Variants in SWT1 observed in about 807,000 individuals in gnomAD.
The protein encoded by SWT1 is transcriptional protein SWT1.
In SWT1, 33 loss-of-function variants were observed where a neutral mutation model predicts 107.3. The observed-to-expected ratio is 0.31, with a 90% CI of 0.23 to 0.41. The LOEUF is 0.41. Among genes scored for constraint, SWT1 ranks in the 10% least tolerant of loss-of-function variants. SWT1 has a pLI of 1.00. For synonymous variants in SWT1, 345 were observed against 348.3 expected, an observed-to-expected ratio of 0.99 and a Z score of 0.11; for missense variants, 898 against 1,028.9, an observed-to-expected ratio of 0.87 and a Z score of 1.74.
At position 185,251,542 on chromosome 1, in the gene SWT1, C is replaced by T. The variant is rs942281776; in HGVS notation, c.2442-19781C>T. On this transcript the variant is annotated intron_variant, in intron 16 of 18. Coordinates refer to ENST00000367500, the MANE Select transcript of SWT1 (RefSeq NM_017673.7). ...TTTTCAATTTCTTATTGTAATGCTG[C>T]CAATTTTTCTTTGCATATTTTGAGG... The T allele has an allele frequency of 2.0e-5, 3 of 152,006 alleles. No individual in the cohort carries two copies. In the South Asian group the frequency reaches 6.2e-4, roughly 31 times the overall value. The allele number at this position is 152,006 out of a possible 1,614,324, so 9.4% of individuals were successfully genotyped here. A position where few individuals can be genotyped will look rare whatever the true frequency, so the allele number is the denominator to read the frequency against.
chr1:185,236,381 A>C (rs1473507720), intron 16 of SWT1, among the ~76,000 whole-genome samples: 4 of 152,196 alleles, frequency 2.6e-5, no homozygotes, highest in African/African-American at 9.6e-5. Context: ...ACATAGACCA[A>C]TGGAACAGAA....
intron 5 of SWT1, chr1:185,176,757 G>A (rs1023922201): frequency 1.2e-6 from 1 of 835,660 alleles, no homozygotes; most frequent in Non-Finnish European, 1.4e-6. Context: ...GGCCGAGGTG[G>A]GCGGATCACG....
chr1:185,213,209 A>G (rs549519442), intron 13 of SWT1, among the ~76,000 whole-genome samples: 1 of 152,340 alleles, frequency 6.6e-6, no homozygotes, highest in South Asian at 2.1e-4. Flanking sequence ...ACATTGGAAA[A>G]GCACCCTTAA....
Position 185,229,943 on chromosome 1 carries a change from G to A in SWT1, c.2310-1634G>A, listed in dbSNP as rs562717730. ...TTGGCGGGGCAAGAGGAGAATCCTGGGGAGTAACCGCTCAATGGATTCAGT... is the reference window on the plus strand; with the variant it reads ...TTGGCGGGGCAAGAGGAGAATCCTGAGGAGTAACCGCTCAATGGATTCAGT... On this transcript the variant is annotated intron_variant, in intron 15 of 18. Coordinates refer to ENST00000367500, the MANE Select transcript of SWT1 (RefSeq NM_017673.7). Among the ~76,000 whole-genome samples the A allele has an allele frequency of 2.0e-5, 3 of 152,218 alleles. No homozygotes were observed. In the South Asian group the frequency reaches 6.2e-4, roughly 32 times the overall value.
At chr1:185,234,145 G>C (rs1660699325) in intron 16 of SWT1, among the ~76,000 whole-genome samples, 1 of 152,178 alleles carries the variant, frequency 6.6e-6, no homozygotes, top group Admixed American at 6.5e-5. Context: ...CTGGTCCAGA[G>C]CTGAGTTCAA....
chr1:185,239,171 G>A (rs1339520556), intron 16 of SWT1, among the ~76,000 whole-genome samples: 1 of 152,060 alleles, frequency 6.6e-6, no homozygotes, highest in Non-Finnish European at 1.5e-5. Context: ...TTGGGTTCTA[G>A]TTCTAGATTT....
intron 5 of SWT1, among the ~76,000 whole-genome samples, chr1:185,179,457 T>C (rs532167559): frequency 2.0e-5 from 3 of 152,282 alleles, no homozygotes; most frequent in Admixed American, 6.5e-5. Context: ...CAGTGGAAAA[T>C]TGGAATTTGG....
At chr1:185,223,142 G>A (rs1186706904) in intron 15 of SWT1, among the ~76,000 whole-genome samples, 2 of 152,076 alleles carry the variant, frequency 1.3e-5, no homozygotes, top group African/African-American at 4.8e-5. Flanking sequence ...TTACATAATG[G>A]CACCACTAAT....
In SWT1 at chr1:185,245,638, C is replaced by T. The variant is rs78718811; in HGVS notation, c.2441+13930C>T. On this transcript the variant is annotated intron_variant, in intron 16 of 18. Transcript: ENST00000367500. ...CTATACTTTTAGAGGACTGGCACTGCAGTAGGTTTATTTATGCCAGCATCA... is the reference window on the plus strand; with the variant it reads ...CTATACTTTTAGAGGACTGGCACTGTAGTAGGTTTATTTATGCCAGCATCA... 2.8e-3 allele frequency among the ~76,000 whole-genome samples: 423 copies of T among 152,242 alleles called. 2 individuals are homozygous for T. The highest frequency in any genetic ancestry group is 9.7e-3 in the African/African-American group (404 of 41,528).
At chr1:185,260,884 GA>G (rs1356938519) in intron 16 of SWT1, among the ~76,000 whole-genome samples, 3 of 151,840 alleles carry the variant, frequency 2.0e-5, no homozygotes, top group Non-Finnish European at 4.4e-5. Context: ...AATGACACAT[GA>G]AATTTTTCTT....
intron 12 of SWT1, 97 bp downstream of exon 12, chr1:185,204,960 T>C (rs1242678406): frequency 1.6e-6 from 1 of 637,612 alleles, no homozygotes; most frequent in Non-Finnish European, 2.5e-6. Context: ...ATACGCTTCA[T>C]TGAATAATCT....
At chr1:185,162,954 C>T (rs532929388) in intron 2 of SWT1, among the ~76,000 whole-genome samples, 2 of 151,768 alleles carry the variant, frequency 1.3e-5, no homozygotes, top group African/African-American at 4.8e-5. Context: ...AGCAAGACCC[C>T]ATCTCTAAAA....
At chr1:185,219,576 T>G (rs537162962) in intron 14 of SWT1, among the ~76,000 whole-genome samples, 12 of 152,280 alleles carry the variant, frequency 7.9e-5, no homozygotes, top group African/African-American at 2.9e-4. Flanking sequence ...GTGATTTTAT[T>G]TAAGTTTACA....
At chr1:185,243,140 A>T (rs1323060764) in intron 16 of SWT1, among the ~76,000 whole-genome samples, 1 of 152,090 alleles carries the variant, frequency 6.6e-6, no homozygotes, top group Non-Finnish European at 1.5e-5. Context: ...ACAGGGTTTC[A>T]CTCGGATGCC....
chr1:185,212,996 A>T (rs1658943876), intron 13 of SWT1, among the ~76,000 whole-genome samples: 4 of 152,122 alleles, frequency 2.6e-5, no homozygotes. Flanking sequence ...AACTTTTATG[A>T]CTTTGTTACC....
In SWT1 at chr1:185,202,771, T is replaced by G; in HGVS notation, c.1641T>G (p.Pro547=). The G allele has an allele frequency of 6.4e-7, 1 of 1,570,476 alleles. No individual in the cohort carries two copies. Among genetic ancestry groups the G allele is most frequent in the Non-Finnish European group, 8.6e-7 (1 of 1,157,716 alleles). ...LSLNTDVCHQ[P]CIPKQQLKAE... ...TGAACACAGATGTGTGTCATCAGCC[T>G]TGTATTCCTAAGCAACAGTTGAAAG... is the stretch of plus-strand genomic sequence containing the variant. The change falls in exon 11 of 19, where the codon CCT becomes CCG. Residue 547 remains proline, a synonymous_variant. Transcript: ENST00000367500.
intron 2 of SWT1, among the ~76,000 whole-genome samples, chr1:185,164,753 A>C (rs547808258): frequency 2.6e-4 from 40 of 152,258 alleles, no homozygotes; most frequent in African/African-American, 9.6e-4. Flanking sequence ...GGCTAAAGGG[A>C]ATGTTGTGGC....
intron 2 of SWT1, 142 bp downstream of exon 2, chr1:185,161,067 GT>G (rs1654105577): frequency 4.7e-6 from 3 of 637,114 alleles, no homozygotes; most frequent in Non-Finnish European, 5.3e-6. Flanking sequence ...TGCTTTTCCG[GT>G]TTTTTACTTG....
chr1:185,279,065 G>A (rs1664442760), intron 18 of SWT1, among the ~76,000 whole-genome samples: 2 of 152,206 alleles, frequency 1.3e-5, no homozygotes, highest in South Asian at 4.1e-4. Context: ...TCTGAAGCCA[G>A]TTGGCATACA....
Sources: gnomAD v4.1 joint callset for allele counts (sites outside exome capture counted in the v4.1 genomes callset) on GRCh38, gnomAD v4.1.1 for gene constraint, MANE v1.5 for transcripts, NCBI Gene and HGNC (gene_info 2026-07-23, HGNC 2026-07-21) for gene names.